VAV2: variants seen among roughly 807,000 people sequenced by gnomAD.
VAV2 encodes vav guanine nucleotide exchange factor 2, also known as guanine nucleotide exchange factor VAV2.
VAV2 carries 67 observed loss-of-function variants against 132.5 expected under a neutral mutation model. The ratio of observed to expected loss-of-function variants is 0.51; its 90% CI spans 0.42 to 0.62. VAV2 has a LOEUF of 0.62. VAV2 is among the 20% of genes least tolerant of loss of function. The pLI, the probability that VAV2 is intolerant of heterozygous loss-of-function variation, is 0.00. For synonymous variants in VAV2, 492 were observed against 443.5 expected (o/e 1.11, Z -1.37); for missense variants, 938 against 1,153.6 (o/e 0.81, Z 2.71).
chr9:133,865,934 A>T (rs1040172366), intron 2 of VAV2, among the ~76,000 whole-genome samples: 3 of 152,236 alleles, frequency 2.0e-5, no homozygotes, highest in African/African-American at 7.2e-5. Flanking sequence ...CTGGTGCCAA[A>T]GCAGGGTGTA....
At chr9:133,909,197 G>C (rs560407019) in intron 2 of VAV2, among the ~76,000 whole-genome samples, 1 of 150,176 alleles carries the variant, frequency 6.7e-6, no homozygotes, top group South Asian at 2.1e-4. Context: ...TCCCGGTGGA[G>C]ACAAATCTGG....
At chr9:133,938,907 A>G (rs1841027065) in intron 2 of VAV2, among the ~76,000 whole-genome samples, 196 bp downstream of exon 2, 1 of 152,202 alleles carries the variant, frequency 6.6e-6, no homozygotes, top group African/African-American at 2.4e-5. Flanking sequence ...CCCAGCCCCG[A>G]CACACAAATC....
At chr9:133,936,880 A>C (rs752105708) in intron 2 of VAV2, among the ~76,000 whole-genome samples, 1 of 152,202 alleles carries the variant, frequency 6.6e-6, no homozygotes, top group Non-Finnish European at 1.5e-5. Context: ...CAGCATGACA[A>C]GAAGCCCCTT....
intron 1 of VAV2, among the ~76,000 whole-genome samples, chr9:133,978,154 G>A (rs1351260232): frequency 6.6e-6 from 1 of 152,250 alleles, no homozygotes; most frequent in Non-Finnish European, 1.5e-5. Flanking sequence ...GGGCTGGGCA[G>A]GGCTGGGGAA....
intron 3 of VAV2, among the ~76,000 whole-genome samples, chr9:133,848,885 TC>T (rs1837057818): frequency 6.6e-6 from 1 of 152,108 alleles, no homozygotes. Context: ...ATGACCACAG[TC>T]CCCCAAGACA....
intron 2 of VAV2, among the ~76,000 whole-genome samples, chr9:133,887,929 G>A (rs767973159): frequency 6.6e-6 from 1 of 152,204 alleles, no homozygotes; most frequent in Non-Finnish European, 1.5e-5. Flanking sequence ...TCCACGTAGA[G>A]CAACGCAGCG....
chr9:133,978,373 C>A (rs1182833885), intron 1 of VAV2, among the ~76,000 whole-genome samples: 1 of 152,228 alleles, frequency 6.6e-6, no homozygotes, highest in Non-Finnish European at 1.5e-5. Flanking sequence ...GGCACCCCCT[C>A]CCCACCCCTA....
intron 17 of VAV2, among the ~76,000 whole-genome samples, chr9:133,785,477 G>A (rs897904030): frequency 1.3e-5 from 2 of 152,210 alleles, no homozygotes; most frequent in African/African-American, 2.4e-5. Context: ...TCTGTGGGCC[G>A]GGCGTGCCAG....
At position 133,762,105 on chromosome 9, in the gene VAV2, A is replaced by G. The variant is rs1833280092; in HGVS notation, c.*1957T>C. The G allele has an allele frequency of 6.6e-6, 1 of 152,634 alleles. No individual in the cohort carries two copies. Among genetic ancestry groups the G allele is most frequent in the Non-Finnish European group, 1.5e-5 (1 of 68,078 alleles). 9.5% of individuals were successfully genotyped at this position (152,634 alleles called of 1,614,324 possible). On this transcript the variant is annotated 3_prime_UTR_variant, in exon 30 of 30. Transcript: ENST00000371850. This position sits in a 1 kb window ranked among gnomAD's most constrained non-coding sequence, Gnocchi z 5.0. The stretch of plus-strand genomic sequence containing the variant: ...GCAGGGGACACCCCGTCTCCTGCTG[A>G]AAACCATCGGACTCCCAGGCTGCAC...
intron 2 of VAV2, among the ~76,000 whole-genome samples, chr9:133,875,313 C>T (rs975898056): frequency 1.3e-5 from 2 of 152,210 alleles, no homozygotes; most frequent in African/African-American, 4.8e-5. Context: ...TTCACAGAGC[C>T]AACTGCCCCC....
At chr9:133,931,464 T>TCCCC (rs1840685751) in intron 2 of VAV2, among the ~76,000 whole-genome samples, 3 of 142,424 alleles carry the variant, frequency 2.1e-5, no homozygotes, top group Non-Finnish European at 4.7e-5. Flanking sequence ...TCCTTCCCTC[T>TCCCC]TCCCTTCTCC....
chr9:133,986,295 T>G (rs778141014), intron 1 of VAV2, among the ~76,000 whole-genome samples: 1 of 152,080 alleles, frequency 6.6e-6, no homozygotes. Context: ...ACGCTGCTGA[T>G]GGGGGAGCAT....
intron 2 of VAV2, among the ~76,000 whole-genome samples, chr9:133,894,063 TC>T (rs1839094434): frequency 1.3e-5 from 2 of 152,012 alleles, no homozygotes; most frequent in Admixed American, 1.3e-4. Flanking sequence ...TGAGAATCCA[TC>T]CCCCACTCCC....
chr9:133,905,433 C>CAAAAAAAA (rs5901029), intron 2 of VAV2, among the ~76,000 whole-genome samples: 105 of 113,268 alleles, frequency 9.3e-4, no homozygotes, highest in African/African-American at 3.5e-3. Flanking sequence ...GAAACTGTCT[C>CAAAAAAAA]AAAAAAAAAA....
At position 133,919,879 on chromosome 9, in the gene VAV2, G is replaced by T. The variant is rs987555729; in HGVS notation, c.321+19224C>A. Among the ~76,000 whole-genome samples, 4 of 152,170 alleles carry T rather than the reference G, an allele frequency of 2.6e-5. No individual in the cohort carries two copies. Among genetic ancestry groups the T allele is most frequent in the African/African-American group, 9.7e-5 (4 of 41,442 alleles). On this transcript the variant is annotated intron_variant, in intron 2 of 29. Transcript: ENST00000371850. This position sits in a 1 kb window ranked among gnomAD's most constrained non-coding sequence, Gnocchi z 5.8. ...CACCCAACCGCATGTCCTCCGCGGAGCCCAGAGTCAGTTCTGCTGGACATA... is the reference window on the plus strand; with the variant it reads ...CACCCAACCGCATGTCCTCCGCGGATCCCAGAGTCAGTTCTGCTGGACATA...
At chr9:133,843,077 G>A (rs1330107602) in intron 3 of VAV2, among the ~76,000 whole-genome samples, 4 of 152,174 alleles carry the variant, frequency 2.6e-5, no homozygotes, top group African/African-American at 7.2e-5. Flanking sequence ...TCCTCAGCGC[G>A]CCATCCCACC....
At chr9:133,981,495 G>A (rs552688556) in intron 1 of VAV2, among the ~76,000 whole-genome samples, 4 of 152,366 alleles carry the variant, frequency 2.6e-5, no homozygotes, top group East Asian at 3.9e-4. Flanking sequence ...GCGGGTGAGG[G>A]CCGGTGCCCT....
intron 1 of VAV2, among the ~76,000 whole-genome samples, chr9:133,954,339 TTC>T (rs1841671756): frequency 6.6e-6 from 1 of 152,166 alleles, no homozygotes; most frequent in Non-Finnish European, 1.5e-5. Flanking sequence ...GCCAAATCAG[TTC>T]TGTCACCATG....
chr9:133,803,731 G>A (rs1169930091), intron 9 of VAV2, among the ~76,000 whole-genome samples: 15 of 152,140 alleles, frequency 9.9e-5, no homozygotes, highest in Non-Finnish European at 2.1e-4. Flanking sequence ...CACCCCCGAC[G>A]AGCTGCCAGG....
Sources: allele counts gnomAD v4.1 joint callset (sites outside exome capture counted in the v4.1 genomes callset), GRCh38; gene constraint gnomAD v4.1.1; non-coding constraint Gnocchi (gnomAD v3.1); transcripts MANE v1.5; gene names NCBI Gene and HGNC (gene_info 2026-07-23, HGNC 2026-07-21).